CERS2: variants seen among roughly 807,000 people sequenced by gnomAD.
CERS2 encodes ceramide synthase 2, also known as LAG1 homolog, ceramide synthase 2.
CERS2 carries 20 observed loss-of-function variants against 56.6 expected under a neutral mutation model. That is an observed-to-expected ratio of 0.35 (90% CI 0.25 to 0.51). The LOEUF (loss-of-function observed/expected upper bound fraction) is 0.51. CERS2 is among the 20% of genes least tolerant of loss of function. CERS2 has a pLI of 0.96. For missense variants in CERS2, 361 were observed against 488.6 expected (o/e 0.74, Z 2.46); for synonymous variants, 187 against 175.4 (o/e 1.07, Z -0.52).
At position 150,966,039 on chromosome 1, in the gene CERS2, C is replaced by G. The variant is rs745346211; in HGVS notation, c.*109G>C. The G allele has an allele frequency of 1.3e-4, 150 of 1,158,974 alleles. No homozygotes were observed. The highest frequency in any genetic ancestry group is 1.7e-4 in the Non-Finnish European group (144 of 831,490). 71.8% of individuals were successfully genotyped at this position (1,158,974 alleles called of 1,614,324 possible). A position where few individuals can be genotyped will look rare whatever the true frequency, so the allele number is the denominator to read the frequency against. ...AAGGAGGGAGGATGCAGAGAACTCT[C>G]CTCTCACTTTCTCCTTTTTCCCCAG... is the stretch of plus-strand genomic sequence containing the variant. On this transcript the variant is annotated 3_prime_UTR_variant, in exon 11 of 11. Transcript: ENST00000368954.
At chr1:150,969,298 G>C (rs372505150) in intron 1 of CERS2, 1 of 552,962 alleles carries the variant, frequency 1.8e-6, no homozygotes, top group Non-Finnish European at 3.2e-6. Context: ...CTGTTAGGCC[G>C]GCCGTGATGG....
Position 150,967,824 on chromosome 1 carries a change from A to G in CERS2, c.464T>C (p.Val155Ala), listed in dbSNP as rs1671066411. Residue 155 changes from valine to alanine, a missense_variant, in exon 5 of 11, where the codon GTG becomes GCG. Transcript: ENST00000368954. Reference protein sequence around the residue: ...IAFIAGMAVIVDKPWFYDMKK... With the variant: ...IAFIAGMAVIADKPWFYDMKK... ...CTCCCAGTAATCCCCACTCACATCCACAATGACGGCCATGCCGGCAATGAA... is the reference window on the plus strand; with the variant it reads ...CTCCCAGTAATCCCCACTCACATCCGCAATGACGGCCATGCCGGCAATGAA... 2 of 1,613,556 alleles carry G rather than the reference A, an allele frequency of 1.2e-6. No individual in the cohort carries two copies. The highest frequency in any genetic ancestry group is 3.3e-5 in the Admixed American group (2 of 59,994).
chr1:150,973,436 G>C (rs1671232407), intron 1 of CERS2, among the ~76,000 whole-genome samples: 1 of 152,238 alleles, frequency 6.6e-6, no homozygotes, highest in African/African-American at 2.4e-5. Context: ...CAGTGACAGG[G>C]GTAAAAGGAG....
At chr1:150,971,256 C>T (rs1012793044) in intron 1 of CERS2, among the ~76,000 whole-genome samples, 2 of 152,150 alleles carry the variant, frequency 1.3e-5, no homozygotes, top group Admixed American at 1.3e-4. Flanking sequence ...AATTGTTATC[C>T]ACAGTGACCT....
intron 1 of CERS2, 94 bp from the exon 2 acceptor site, chr1:150,969,185 AGG>A: frequency 9.2e-7 from 1 of 1,089,484 alleles, no homozygotes; most frequent in South Asian, 1.5e-5. Flanking sequence ...CAAAAGGAGA[AGG>A]GGGCAGAGAG....
chr1:150,968,240 C>T (rs587738500), intron 3 of CERS2, 39 bp from the exon 4 acceptor site: 8 of 1,589,602 alleles, frequency 5.0e-6, no homozygotes, highest in Middle Eastern at 1.7e-4. Flanking sequence ...TGTTTACCTT[C>T]GGAACTCAGC....
intron 1 of CERS2, 88 bp downstream of exon 1, chr1:150,974,531 C>G (rs1671271508): frequency 6.7e-6 from 1 of 149,468 alleles, no homozygotes; most frequent in African/African-American, 2.4e-5. Flanking sequence ...GGCCCCGCGA[C>G]AAAGCGGCAC....
chr1:150,967,501 A>G lies in CERS2; in HGVS notation c.520-17T>C. On this transcript the variant is annotated splice_polypyrimidine_tract_variant and intron_variant, in intron 6 of 10. Transcript: ENST00000368954. ...GATAGTGCTCTGGGAGAGGAGAGAG[A>G]GGTAAGAGCAACCAGCCGCAAGGGT... The G allele has an allele frequency of 6.6e-7, 1 of 1,510,336 alleles. No homozygotes were observed. The highest frequency in any genetic ancestry group is 9.2e-7 in the Non-Finnish European group (1 of 1,085,586). 93.6% of individuals were successfully genotyped at this position (1,510,336 alleles called of 1,614,324 possible).
chr1:150,970,227 CAAAA>C (rs35333038), intron 1 of CERS2, among the ~76,000 whole-genome samples: 139 of 51,196 alleles, frequency 2.7e-3, no homozygotes, highest in South Asian at 3.8e-3. Context: ...GACTCTGTCT[CAAAA>C]AAAAAAAAAA....
Position 150,968,080 on chromosome 1 carries a change from C to A in CERS2, c.410+3G>T, listed in dbSNP as rs201145642. 32 of 1,609,276 alleles carry A rather than the reference C, an allele frequency of 2.0e-5. No homozygotes were observed. The highest frequency in any genetic ancestry group is 1.6e-4 in the East Asian group (7 of 44,884). ...ACCCAGCTTCTGCCCCAGCCTCCCCCACCTGGCTTCTCGGAACTTCTTGAG... is the reference window on the plus strand; with the variant it reads ...ACCCAGCTTCTGCCCCAGCCTCCCCAACCTGGCTTCTCGGAACTTCTTGAG... On this transcript the variant is annotated splice_donor_region_variant and intron_variant, in intron 4 of 10. Transcript: ENST00000368954.
chr1:150,966,909 G>C (rs772140808), intron 8 of CERS2, 47 bp from the exon 9 acceptor site: 14 of 1,483,566 alleles, frequency 9.4e-6, no homozygotes, highest in Non-Finnish European at 9.4e-7. Context: ...TGACTCCCTC[G>C]AGTACATTCA....
rs981289319 is a variant in CERS2, at chr1:150,966,815, G to A, written c.789C>T (p.Asn263=). 6.2e-7 allele frequency: 1 copy of A among 1,613,976 alleles called. No homozygotes were observed. The highest frequency in any genetic ancestry group is 1.3e-5 in the African/African-American group (1 of 74,898). The change falls in exon 9 of 11, where the codon AAC becomes AAT. Residue 263 remains asparagine (N), a synonymous_variant. Transcript: ENST00000368954. ...AAACAATGGCGAAGACGATGAAGAT[G>A]TTGTTGCAGGTGTTCTTCCATCCCG... ...NYAGWKNTCN[N]IFIVFAIVFI... is the part of the protein sequence containing the mutation.
Position 150,967,215 on chromosome 1 carries a change from T to TG in CERS2, c.613-14dup. 1 of 1,613,720 alleles carries TG rather than the reference T, an allele frequency of 6.2e-7. No homozygotes were observed. Among genetic ancestry groups the TG allele is most frequent in the Non-Finnish European group, 8.5e-7 (1 of 1,179,616 alleles). On this transcript the variant is annotated splice_polypyrimidine_tract_variant and intron_variant, in intron 7 of 10. Coordinates refer to ENST00000368954, the MANE Select transcript of CERS2 (RefSeq NM_022075.5). ...GTTCCTTGAAATCCTGCAGAGATGA[T>TG]GCAGGCCCCAGGGCCTTTTTTTATT...
At position 150,973,785 on chromosome 1, in the gene CERS2, A is replaced by AC. The variant is rs587608845; in HGVS notation, c.-2+833dup. On this transcript the variant is annotated intron_variant, in intron 1 of 10. Coordinates refer to ENST00000368954, the MANE Select transcript of CERS2 (RefSeq NM_022075.5). The stretch of plus-strand genomic sequence containing the variant: ...CACTGCATTCGCCACGATCCTCAGA[A>AC]CCCCCTGAACCTGGGCCTGGCAACT... 925 of 152,202 alleles carry AC rather than the reference A, an allele frequency of 6.1e-3. 5 individuals carry two copies. The highest frequency in any genetic ancestry group is 0.011 in the East Asian group (59 of 5,174). The allele number at this position is 152,202 out of a possible 1,614,324, so 9.4% of individuals were successfully genotyped here.
chr1:150,971,352 C>T (rs754250801), intron 1 of CERS2, among the ~76,000 whole-genome samples: 11 of 152,158 alleles, frequency 7.2e-5, no homozygotes, highest in Non-Finnish European at 1.2e-4. Context: ...TGACAGCTCC[C>T]GCTCCACCCC....
intron 1 of CERS2, among the ~76,000 whole-genome samples, chr1:150,971,647 T>C (rs1272188612): frequency 6.6e-6 from 1 of 152,114 alleles, no homozygotes; most frequent in African/African-American, 2.4e-5. Flanking sequence ...TAAATGTAAT[T>C]ATCCACAGTG....
At chr1:150,971,098 T>C (rs1029947327) in intron 1 of CERS2, among the ~76,000 whole-genome samples, 2 of 152,180 alleles carry the variant, frequency 1.3e-5, no homozygotes, top group African/African-American at 4.8e-5. Flanking sequence ...CTGGCAATCC[T>C]AGGACTCAGC....
chr1:150,967,329 A>T, intron 7 of CERS2, 63 bp downstream of exon 7: 1 of 1,422,014 alleles, frequency 7.0e-7, no homozygotes, highest in Non-Finnish European at 9.9e-7. Flanking sequence ...GTCAAAGGAG[A>T]GGGTGTTCAT....
intron 1 of CERS2, among the ~76,000 whole-genome samples, chr1:150,973,369 TGA>T (rs1378321478): frequency 6.6e-6 from 1 of 152,138 alleles, no homozygotes; most frequent in Non-Finnish European, 1.5e-5. Context: ...CCGGTGGGTT[TGA>T]GAGACAGCTG....
Sources: gnomAD v4.1 joint callset for allele counts (sites outside exome capture counted in the v4.1 genomes callset) on GRCh38, gnomAD v4.1.1 for gene constraint, MANE v1.5 for transcripts, NCBI Gene and HGNC (gene_info 2026-07-23, HGNC 2026-07-21) for gene names.